The following GFPT2 variants were observed in gnomAD, a reference collection of about 807,000 sequenced individuals.
The protein encoded by GFPT2 is glutamine--fructose-6-phosphate transaminase 2.
Under a neutral mutation model 85.6 loss-of-function variants are expected in GFPT2, and 62 were observed. That is an observed-to-expected ratio of 0.72 (90% confidence interval 0.59 to 0.90). The LOEUF is 0.90. Ranked by LOEUF, GFPT2 falls within the 40% of genes least tolerant of loss-of-function variation. The probability of loss-of-function intolerance (pLI) is 0.00; values close to 1 mark genes in which losing one functional copy is unlikely to be tolerated. For synonymous variants in GFPT2, 368 were observed against 344.5 expected, an observed-to-expected ratio of 1.07 and a Z score of -0.75; for missense variants, 788 against 893.4, an observed-to-expected ratio of 0.88 and a Z score of 1.50.
At chr5:180,307,927 A>G (rs1476262319) in intron 15 of GFPT2, among the ~76,000 whole-genome samples, 2 of 152,142 alleles carry the variant, frequency 1.3e-5, no homozygotes, top group Non-Finnish European at 2.9e-5. Context: ...CCTGGCTAAC[A>G]TGGTAAAACC....
chr5:180,308,217 C>T lies in GFPT2; in HGVS notation c.1547-914G>A, dbSNP rs574255581. 4.7e-4 allele frequency among the ~76,000 whole-genome samples: 70 copies of T among 150,110 alleles called. 1 individual carries two copies. The East Asian group carries it at 0.013, about 29-fold the overall frequency. ...CTTGCAGTGAGCTGAGATGGCACCA[C>T]GGCACTCCAGCCTGGGCAACAGAGC... On this transcript the variant is annotated intron_variant, in intron 15 of 18. Transcript: ENST00000253778.
chr5:180,317,577 G>A (rs2127650253), intron 10 of GFPT2, among the ~76,000 whole-genome samples: 2 of 145,856 alleles, frequency 1.4e-5, no homozygotes, highest in East Asian at 3.9e-4. Context: ...GGCTAAAACA[G>A]TGAAACCCCG....
intron 1 of GFPT2, among the ~76,000 whole-genome samples, chr5:180,343,416 C>T (rs1764556843): frequency 6.6e-6 from 1 of 152,226 alleles, no homozygotes; most frequent in African/African-American, 2.4e-5. Flanking sequence ...CCAGGAGGCC[C>T]GGTGCCCACT....
chr5:180,352,007 C>T (rs1764718904), intron 1 of GFPT2, among the ~76,000 whole-genome samples: 3 of 152,128 alleles, frequency 2.0e-5, no homozygotes, highest in African/African-American at 7.2e-5. Flanking sequence ...TCTCTGCCCC[C>T]AGAAACACCC....
intron 1 of GFPT2, among the ~76,000 whole-genome samples, chr5:180,339,048 G>A (rs934143191): frequency 7.2e-5 from 11 of 152,094 alleles, no homozygotes; most frequent in African/African-American, 2.2e-4. Context: ...TTGCTTCCAC[G>A]GTCCCCTTCT....
At chr5:180,324,790 G>A in intron 8 of GFPT2, 26 bp downstream of exon 8, 10 of 1,426,912 alleles carry the variant, frequency 7.0e-6, no homozygotes, top group Non-Finnish European at 9.9e-6. Context: ...CAGCTGTGCT[G>A]TTCCGGTACT....
At chr5:180,305,027 G>A (rs1212553548) in intron 16 of GFPT2, 88 bp from the exon 17 acceptor site, 3 of 919,756 alleles carry the variant, frequency 3.3e-6, no homozygotes, top group Non-Finnish European at 5.2e-6. Flanking sequence ...ACCAGGGGAA[G>A]GATGACTCTG....
At chr5:180,316,941 C>T (rs1764021431) in intron 11 of GFPT2, 22 bp downstream of exon 11, 2 of 1,559,302 alleles carry the variant, frequency 1.3e-6, no homozygotes, top group Non-Finnish European at 1.8e-6. Context: ...GGCGGAGGCT[C>T]CCCACCGAGT....
At chr5:180,332,911 C>A (rs1035369110) in intron 4 of GFPT2, among the ~76,000 whole-genome samples, 1 of 152,284 alleles carries the variant, frequency 6.6e-6, no homozygotes, top group East Asian at 1.9e-4. Flanking sequence ...AGATTTCTCC[C>A]ACAGCATCTT....
At position 180,330,638 on chromosome 5, in the gene GFPT2, A is replaced by G; in HGVS notation, c.534+62T>C. The G allele has an allele frequency of 7.0e-7, 1 of 1,430,746 alleles. No individual in the cohort carries two copies. Among genetic ancestry groups the G allele is most frequent in the Non-Finnish European group, 9.8e-7 (1 of 1,024,438 alleles). The allele number at this position is 1,430,746 out of a possible 1,614,324, so 88.6% of individuals were successfully genotyped here. On this transcript the variant is annotated intron_variant, in intron 6 of 18. Coordinates refer to ENST00000253778, the MANE Select transcript of GFPT2 (RefSeq NM_005110.4). The surrounding 1 kb of genome is among the most constrained non-coding windows in gnomAD (Gnocchi z 4.4). Reference sequence around the variant, plus strand: ...AGGATTCCTTGGCACTTGCTGCTTGAAAAAAATGTTTTTAATGAAAGAATG... The same window carrying G: ...AGGATTCCTTGGCACTTGCTGCTTGGAAAAAATGTTTTTAATGAAAGAATG...
intron 1 of GFPT2, among the ~76,000 whole-genome samples, chr5:180,339,707 C>T (rs900951813): frequency 6.6e-6 from 1 of 152,218 alleles, no homozygotes; most frequent in African/African-American, 2.4e-5. Context: ...GGAAAACCTG[C>T]CCACTTCAAA....
At chr5:180,344,720 A>AG (rs1380171687) in intron 1 of GFPT2, among the ~76,000 whole-genome samples, 8 of 152,192 alleles carry the variant, frequency 5.3e-5, no homozygotes, top group African/African-American at 1.9e-4. Context: ...CCGAAGCACC[A>AG]GGGCCACAAT....
At chr5:180,310,832 C>CAAAAAAAAAAAA in intron 15 of GFPT2, among the ~76,000 whole-genome samples, 1 of 50,580 alleles carries the variant, frequency 2.0e-5, no homozygotes, top group Non-Finnish European at 3.3e-5. Flanking sequence ...TGGACACAGG[C>CAAAAAAAAAAAA]AAAAAAAAAA....
rs202232625 is a variant in GFPT2, at chr5:180,301,568, T to C, written c.2045A>G (p.Glu682Gly). The C allele has an allele frequency of 4.5e-5, 72 of 1,612,712 alleles. No individual in the cohort carries two copies. In the Middle Eastern group the frequency reaches 9.9e-4, roughly 22 times the overall value. ...PRNLAKSVTVE is the reference protein window; with the variant it reads ...PRNLAKSVTVG ...GGTCTTGTCACGGTCTCAGCCTCAT[T>C]CCACAGTTACAGACTTGGCCAGATT... Residue 682 changes from glutamate (E) to glycine (G), a missense_variant, in exon 19 of 19, where the codon GAA (glutamate) becomes GGA (glycine). By Grantham distance (98) the Glu-to-Gly change is moderately conservative. Transcript: ENST00000253778.
intron 12 of GFPT2, 30 bp downstream of exon 12, chr5:180,316,734 G>A (rs766923292): frequency 1.3e-5 from 20 of 1,500,792 alleles, no homozygotes; most frequent in Admixed American, 3.4e-5. Context: ...GACTGCCGTC[G>A]ACTTCCCCAC....
intron 9 of GFPT2, among the ~76,000 whole-genome samples, chr5:180,319,700 C>T (rs547554396): frequency 4.6e-5 from 7 of 152,304 alleles, no homozygotes; most frequent in Non-Finnish European, 7.4e-5. Flanking sequence ...GATGGTGAGA[C>T]ATCACCCGCC....
rs1357922401 is a variant in GFPT2 at position 180,330,502 on chromosome 5, T to C, written c.534+198A>G. On this transcript the variant is annotated intron_variant, in intron 6 of 18. Coordinates refer to ENST00000253778, the MANE Select transcript of GFPT2 (RefSeq NM_005110.4). The surrounding 1 kb of genome is among the most constrained non-coding windows in gnomAD (Gnocchi z 4.4). ...TGTTGACTACCCAAACCACAGAACG[T>C]CTTCCAGTTCTACAAGAGTGTAACA... 6.6e-6 allele frequency among the ~76,000 whole-genome samples: 1 copy of C among 152,136 alleles called. No individual in the cohort carries two copies.
intron 1 of GFPT2, among the ~76,000 whole-genome samples, chr5:180,343,057 T>C (rs1764549369): frequency 1.3e-5 from 2 of 152,202 alleles, no homozygotes; most frequent in Admixed American, 1.3e-4. Flanking sequence ...TACACTGAAC[T>C]TTCCTGGCAT....
intron 15 of GFPT2, among the ~76,000 whole-genome samples, chr5:180,309,704 G>T (rs944784616): frequency 6.6e-6 from 1 of 152,090 alleles, no homozygotes; most frequent in Non-Finnish European, 1.5e-5. Flanking sequence ...GAGCCACCAC[G>T]CCTGGCCCCA....
Sources: allele counts gnomAD v4.1 joint callset (sites outside exome capture counted in the v4.1 genomes callset), GRCh38; gene constraint gnomAD v4.1.1; non-coding constraint Gnocchi (gnomAD v3.1); transcripts MANE v1.5; gene names NCBI Gene and HGNC (gene_info 2026-07-23, HGNC 2026-07-21).